ADGRV1: variants seen among roughly 807,000 people sequenced by gnomAD.
ADGRV1 encodes adhesion G protein-coupled receptor V1, also known as G-protein coupled receptor 98.
Under a neutral mutation model 596.2 loss-of-function variants are expected in ADGRV1, and 359 were observed. The ratio of observed to expected loss-of-function variants is 0.60; its 90% CI spans 0.55 to 0.66. The LOEUF (loss-of-function observed/expected upper bound fraction) is 0.66, where lower values mean the gene tolerates loss of function less well. ADGRV1 is among the 30% of genes least tolerant of loss of function. The pLI is 0.00. For synonymous variants in ADGRV1, 2,681 were observed against 2,679.2 expected (o/e 1.00, Z -0.02); for missense variants, 7,274 against 7,575.6 (o/e 0.96, Z 1.48).
chr5:90,587,765 G>T (rs2151988309), intron 1 of ADGRV1, among the ~76,000 whole-genome samples: 1 of 151,966 alleles, frequency 6.6e-6, no homozygotes, highest in Non-Finnish European at 1.5e-5. Context: ...CACCATGTTG[G>T]CCAGGCTGGA....
intron 87 of ADGRV1, among the ~76,000 whole-genome samples, chr5:91,140,845 G>A (rs1375741264): frequency 1.3e-5 from 2 of 152,140 alleles, no homozygotes; most frequent in Admixed American, 6.5e-5. Context: ...TCCATGCTTT[G>A]AAACTTAACA....
chr5:90,622,701 G>A lies in ADGRV1; in HGVS notation c.558G>A (p.Glu186=), dbSNP rs1240761868. The change falls in exon 5 of 90, where the codon GAG becomes GAA. Residue 186 remains glutamate, a splice_region_variant and synonymous_variant. Transcript: ENST00000405460. ...GTYGMVMVTF[E]VEGGPNPPDE... Reference sequence around the variant, plus strand: ...ATGGAATGGTCATGGTGACTTTTGAGGTAAGTTTACTCTGAAGTCATTTTA... The same window carrying A: ...ATGGAATGGTCATGGTGACTTTTGAAGTAAGTTTACTCTGAAGTCATTTTA... 7.2e-7 allele frequency: 1 copy of A among 1,394,940 alleles called. No individual in the cohort carries two copies. The highest frequency in any genetic ancestry group is 2.0e-5 in the Admixed American group (1 of 50,502). The allele number at this position is 1,394,940 out of a possible 1,614,324, so 86.4% of individuals were successfully genotyped here. A position where few individuals can be genotyped will look rare whatever the true frequency, so the allele number is the denominator to read the frequency against.
intron 83 of ADGRV1, among the ~76,000 whole-genome samples, chr5:90,949,514 T>C (rs1776879650): frequency 6.6e-6 from 1 of 152,112 alleles, no homozygotes; most frequent in African/African-American, 2.4e-5. Flanking sequence ...TAAAAATGAA[T>C]GGGGAATTAG....
chr5:91,010,834 G>A (rs1351848294), intron 85 of ADGRV1, among the ~76,000 whole-genome samples: 8 of 151,784 alleles, frequency 5.3e-5, no homozygotes, highest in Non-Finnish European at 8.8e-5. Context: ...TCTTAGTGCT[G>A]TGTGCTGTAT....
intron 83 of ADGRV1, among the ~76,000 whole-genome samples, chr5:90,932,794 T>TTG (rs35670367): frequency 0.26 from 39,435 of 150,286 alleles, 5,569 homozygotes; most frequent in Admixed American, 0.4. Context: ...TTGTCGTGAG[T>TTG]TGTGTGTGTG....
At chr5:90,992,128 C>T (rs190822581) in intron 85 of ADGRV1, among the ~76,000 whole-genome samples, 1 of 152,198 alleles carries the variant, frequency 6.6e-6, no homozygotes, top group Non-Finnish European at 1.5e-5. Flanking sequence ...GTACGCTTCC[C>T]CACGAAGTCT....
intron 1 of ADGRV1, among the ~76,000 whole-genome samples, chr5:90,573,541 T>C (rs560903802): frequency 6.6e-6 from 1 of 152,282 alleles, no homozygotes; most frequent in Admixed American, 6.5e-5. Flanking sequence ...TATCTACACA[T>C]ACCTAAACCT....
chr5:90,726,189 C>T (rs1191758384), intron 48 of ADGRV1, among the ~76,000 whole-genome samples: 2 of 152,220 alleles, frequency 1.3e-5, no homozygotes, highest in Admixed American at 1.3e-4. Context: ...CAAAAACCCA[C>T]TTGAAACCCA....
chr5:90,900,329 CTT>C (rs76476613), intron 83 of ADGRV1, among the ~76,000 whole-genome samples: 24 of 127,370 alleles, frequency 1.9e-4, no homozygotes, highest in Admixed American at 2.4e-4. Flanking sequence ...CATTGCCATT[CTT>C]TTTTTTTTTT....
rs200530343 is a variant in ADGRV1, at chr5:90,985,371, A to T, written c.18001A>T (p.Met6001Leu). The T allele has an allele frequency of 2.4e-4, 381 of 1,612,866 alleles. No individual in the cohort carries two copies. The highest frequency in any genetic ancestry group is 3.1e-4 in the Non-Finnish European group (369 of 1,179,356). The change falls in exon 85 of 90, where the codon ATG becomes TTG. Residue 6001 changes from methionine to leucine, a missense_variant. This residue lies in a region of ADGRV1 where 1,874 missense variants were observed against 1,970.2 expected (regional missense o/e 0.95). Transcript: ENST00000405460. Reference protein sequence around the residue: ...QSVNFWYVLVMNDEHTERRYL... With the variant: ...QSVNFWYVLVLNDEHTERRYL... ...TGTGAATTTCTGGTACGTGCTGGTGATGAATGATGAGCACACAGAGAGGCG... is the reference window on the plus strand; with the variant it reads ...TGTGAATTTCTGGTACGTGCTGGTGTTGAATGATGAGCACACAGAGAGGCG...
intron 83 of ADGRV1, among the ~76,000 whole-genome samples, chr5:90,932,410 T>G (rs1009986630): frequency 1.3e-5 from 2 of 152,196 alleles, no homozygotes; most frequent in African/African-American, 4.8e-5. Flanking sequence ...CTAAGTTTTG[T>G]ACCTTGCTTC....
chr5:91,132,566 T>C (rs1034767230), intron 87 of ADGRV1, among the ~76,000 whole-genome samples: 2 of 152,206 alleles, frequency 1.3e-5, no homozygotes, highest in Admixed American at 6.5e-5. Flanking sequence ...CACACAAATA[T>C]TGTTATAAAC....
chr5:90,596,266 T>C (rs1760561710), intron 1 of ADGRV1, among the ~76,000 whole-genome samples: 1 of 140,684 alleles, frequency 7.1e-6, no homozygotes, highest in Non-Finnish European at 1.5e-5. Flanking sequence ...ACTTCCCAGA[T>C]AGGATGGCCG....
Position 90,776,507 on chromosome 5 carries a change from T to G in ADGRV1, c.12458T>G (p.Ile4153Arg). 1 of 1,613,344 alleles carries G rather than the reference T, an allele frequency of 6.2e-7. No individual in the cohort carries two copies. Among genetic ancestry groups the G allele is most frequent in the Non-Finnish European group, 8.5e-7 (1 of 1,179,460 alleles). Residue 4153 changes from isoleucine to arginine, a missense_variant, in exon 61 of 90, where the codon ATA becomes AGA. Ile to Arg is a moderately conservative substitution (Grantham distance 97). Coordinates refer to ENST00000405460, the MANE Select transcript of ADGRV1 (RefSeq NM_032119.4). ...AAGCGAGCATCAGGAGAAGTTGGGA[T>G]AGCTCCGTCATCTAGGCACATCCTC... ...GDKRASGEVGIAPSSRHILIG... is the reference protein window; with the variant it reads ...GDKRASGEVGRAPSSRHILIG...
intron 4 of ADGRV1, among the ~76,000 whole-genome samples, chr5:90,622,183 G>A (rs546236600): frequency 6.6e-6 from 1 of 152,290 alleles, no homozygotes; most frequent in East Asian, 1.9e-4. Context: ...TGGCTGATGT[G>A]GAGAAAGAGT....
chr5:90,796,959 G>C (rs1760787127), intron 70 of ADGRV1, among the ~76,000 whole-genome samples: 1 of 152,070 alleles, frequency 6.6e-6, no homozygotes, highest in Non-Finnish European at 1.5e-5. Flanking sequence ...CCTTATAAGA[G>C]CTCCTGAAGG....
In ADGRV1 at chr5:90,781,533, G is replaced by T. The variant is rs201154290; in HGVS notation, c.13186G>T (p.Ala4396Ser). ...VRIIIMKNDN[A>S]EGIIEFDPKY... is the part of the protein sequence containing the mutation. Reference sequence around the variant, plus strand: ...CATCATAATAATGAAAAATGATAACGCAGAAGGCATCATTGAATTTGACCC... The same window carrying T: ...CATCATAATAATGAAAAATGATAACTCAGAAGGCATCATTGAATTTGACCC... Residue 4396 changes from alanine to serine, a missense_variant, in exon 65 of 90, where the codon GCA (alanine) becomes TCA (serine). Physicochemically the swap from Ala to Ser is moderately conservative, Grantham distance 99 (BLOSUM62 1). This residue lies in a region of ADGRV1 where 3,643 missense variants were observed against 3,809.2 expected (regional missense o/e 0.96). Coordinates refer to ENST00000405460, the MANE Select transcript of ADGRV1 (RefSeq NM_032119.4). 2.5e-6 allele frequency: 4 copies of T among 1,610,870 alleles called. No homozygotes were observed. Among genetic ancestry groups the T allele is most frequent in the Middle Eastern group, 1.7e-4 (1 of 5,982 alleles).
chr5:91,121,697 A>G (rs1400594104), intron 87 of ADGRV1, among the ~76,000 whole-genome samples: 1 of 151,992 alleles, frequency 6.6e-6, no homozygotes, highest in Admixed American at 6.6e-5. Flanking sequence ...CCTTTTTATA[A>G]TGGATTTTTT....
chr5:91,041,897 T>C (rs1347952127), intron 85 of ADGRV1, among the ~76,000 whole-genome samples: 2 of 152,172 alleles, frequency 1.3e-5, no homozygotes, highest in African/African-American at 4.8e-5. Context: ...ACATGCATAT[T>C]ATGTTAGTTT....
Sources: gnomAD v4.1 joint callset for allele counts (sites outside exome capture counted in the v4.1 genomes callset) on GRCh38, gnomAD v4.1.1 for gene constraint, gnomAD v4.1.1 regional missense constraint, MANE v1.5 for transcripts, NCBI Gene and HGNC (gene_info 2026-07-23, HGNC 2026-07-21) for gene names.